RFFL: variants seen among roughly 807,000 people sequenced by gnomAD.
RFFL encodes the protein E3 ubiquitin-protein ligase rififylin.
In RFFL, 16 loss-of-function variants were observed where a neutral mutation model predicts 40.4. That is an observed-to-expected ratio of 0.40 (90% CI 0.27 to 0.60). RFFL has a LOEUF of 0.60. Among genes scored for constraint, RFFL ranks in the 20% least tolerant of loss-of-function variants. The pLI is 0.47. For missense variants in RFFL, 367 were observed against 451.7 expected, an observed-to-expected ratio of 0.81 and a Z score of 1.70; for synonymous variants, 154 against 167.9, an observed-to-expected ratio of 0.92 and a Z score of 0.64.
At position 35,014,757 on chromosome 17, in the gene RFFL, C is replaced by T; in HGVS notation, c.893G>A (p.Gly298Asp). The T allele has an allele frequency of 6.2e-7, 1 of 1,613,696 alleles. No individual in the cohort carries two copies. Residue 298 changes from glycine to aspartate, a missense_variant, in exon 6 of 7, where the codon GGT becomes GAT. Gly to Asp is a moderately conservative substitution (Grantham distance 94). Coordinates refer to ENST00000394597, the MANE Select transcript of RFFL (RefSeq NM_001017368.2). ...DQKGLQHLVSGAEDQNGGAVP... is the reference protein window; with the variant it reads ...DQKGLQHLVSDAEDQNGGAVP... ...CTACATACCGTTTTGGTCTTCGGCACCACTGACTGAAAAGGAAAGAGAAGG... is the reference window on the plus strand; with the variant it reads ...CTACATACCGTTTTGGTCTTCGGCATCACTGACTGAAAAGGAAAGAGAAGG...
intron 1 of RFFL, among the ~76,000 whole-genome samples, chr17:35,031,889 A>T (rs2091085665): frequency 6.6e-6 from 1 of 151,890 alleles, no homozygotes; most frequent in African/African-American, 2.4e-5. Flanking sequence ...AGGTCAGGAG[A>T]CCAAGACCAT....
At chr17:35,037,780 A>C (rs1168691204) in intron 1 of RFFL, among the ~76,000 whole-genome samples, 1 of 152,164 alleles carries the variant, frequency 6.6e-6, no homozygotes, top group Non-Finnish European at 1.5e-5. Flanking sequence ...TTAAAAAATC[A>C]ATCTGTCTAC....
Position 35,045,061 on chromosome 17 carries a change from A to G in RFFL, c.-8-18500T>C, listed in dbSNP as rs1348470814. On this transcript the variant is annotated intron_variant, in intron 1 of 6. Coordinates refer to ENST00000394597, the MANE Select transcript of RFFL (RefSeq NM_001017368.2). ...CTCATAGAATCTTATACACTTCCTT[A>G]TAACCATAATTGATTTATCAGACTA... Among the ~76,000 whole-genome samples, 5 of 149,596 alleles carry G rather than the reference A, an allele frequency of 3.3e-5. No individual in the cohort carries two copies. The East Asian group carries it at 1.0e-3, about 31-fold the overall frequency.
At chr17:35,077,133 A>G (rs1333048842) in intron 1 of RFFL, 2 of 152,432 alleles carry the variant, frequency 1.3e-5, no homozygotes, top group African/African-American at 4.9e-5. Context: ...TAAATTAACT[A>G]TATAGTTCCT....
At chr17:35,019,530 C>G (rs548426873) in intron 3 of RFFL, among the ~76,000 whole-genome samples, 1 of 152,030 alleles carries the variant, frequency 6.6e-6, no homozygotes, top group Non-Finnish European at 1.5e-5. Flanking sequence ...CCCACCACCA[C>G]GCCCAGCTAA....
At position 35,063,627 on chromosome 17, in the gene RFFL, A is replaced by G. The variant is rs2142371143; in HGVS notation, c.-60T>C. 1 of 152,390 alleles carries G rather than the reference A, an allele frequency of 6.6e-6. No individual in the cohort carries two copies. Among genetic ancestry groups the G allele is most frequent in the African/African-American group, 2.4e-5 (1 of 41,566 alleles). 9.4% of individuals were successfully genotyped at this position (152,390 alleles called of 1,614,324 possible). ...CCACGACAGAAAGCAAGCTGTCTCT[A>G]GTTCCTGTGGCTGAGGTCGCTGGAG... On this transcript the variant is annotated 5_prime_UTR_variant, in exon 1 of 7. It removes the in-frame stop codon of an upstream open reading frame in the 5' UTR. Coordinates refer to ENST00000394597, the MANE Select transcript of RFFL (RefSeq NM_001017368.2).
At chr17:35,022,526 G>A (rs1253525628) in intron 2 of RFFL, among the ~76,000 whole-genome samples, 1 of 152,218 alleles carries the variant, frequency 6.6e-6, no homozygotes, top group Non-Finnish European at 1.5e-5. Flanking sequence ...CCGAGGCTTA[G>A]GGAGATCAAC....
At chr17:35,052,798 G>T (rs528185666) in intron 1 of RFFL, among the ~76,000 whole-genome samples, 37 of 152,140 alleles carry the variant, frequency 2.4e-4, no homozygotes, top group Non-Finnish European at 3.8e-4. Flanking sequence ...AGATAGGTAG[G>T]TACACAAACA....
intron 1 of RFFL, among the ~76,000 whole-genome samples, chr17:35,077,334 C>T (rs900774555): frequency 2.0e-5 from 3 of 152,102 alleles, no homozygotes; most frequent in Non-Finnish European, 4.4e-5. Context: ...TAGAACAATG[C>T]TATTCAAAGT....
At chr17:35,078,136 T>G (rs139593163) in intron 1 of RFFL, among the ~76,000 whole-genome samples, 458 of 152,340 alleles carry the variant, frequency 3.0e-3, no homozygotes, top group Admixed American at 4.6e-3. Flanking sequence ...TCTGTAGGGC[T>G]GGGCTAGGAA....
rs546569798 is a variant in RFFL, at chr17:35,011,173, C to G, written c.*795G>C. On this transcript the variant is annotated 3_prime_UTR_variant, in exon 7 of 7. Coordinates refer to ENST00000394597, the MANE Select transcript of RFFL (RefSeq NM_001017368.2). ...CTTTCCGCATAAACTAAGGATGGTGCAAATCAGGTCCCAAGAGAAGCAGCA... is the reference window on the plus strand; with the variant it reads ...CTTTCCGCATAAACTAAGGATGGTGGAAATCAGGTCCCAAGAGAAGCAGCA... 1 of 152,286 alleles carries G rather than the reference C, an allele frequency of 6.6e-6. No individual in the cohort carries two copies. Among genetic ancestry groups the G allele is most frequent in the Admixed American group, 6.5e-5 (1 of 15,296 alleles). 9.4% of individuals were successfully genotyped at this position (152,286 alleles called of 1,614,324 possible). A position where few individuals can be genotyped will look rare whatever the true frequency, so the allele number is the denominator to read the frequency against.
chr17:35,038,044 T>C (rs1567707175), intron 1 of RFFL, among the ~76,000 whole-genome samples: 1 of 151,822 alleles, frequency 6.6e-6, no homozygotes, highest in Admixed American at 6.6e-5. Flanking sequence ...TCCCAGCACT[T>C]TGGGAGGCTA....
chr17:35,014,537 T>C (rs2090961366), intron 6 of RFFL, among the ~76,000 whole-genome samples: 1 of 152,198 alleles, frequency 6.6e-6, no homozygotes, highest in African/African-American at 2.4e-5. Flanking sequence ...CCCCTACGTA[T>C]GCTCCACTCT....
At chr17:35,031,546 C>T (rs2091083210) in intron 1 of RFFL, among the ~76,000 whole-genome samples, 1 of 151,986 alleles carries the variant, frequency 6.6e-6, no homozygotes, top group African/African-American at 2.4e-5. Context: ...AGTCAGGGTA[C>T]TAGAAATGTA....
intron 1 of RFFL, among the ~76,000 whole-genome samples, chr17:35,075,618 A>C (rs2091371861): frequency 6.6e-6 from 1 of 152,230 alleles, no homozygotes; most frequent in Admixed American, 6.5e-5. Context: ...AACTACCAAA[A>C]TAACAGCTCC....
At chr17:35,035,914 A>T (rs1182712027) in intron 1 of RFFL, among the ~76,000 whole-genome samples, 1 of 151,786 alleles carries the variant, frequency 6.6e-6, no homozygotes, top group African/African-American at 2.4e-5. Flanking sequence ...TGTTGGCCAG[A>T]CTGGTCTTGA....
intron 1 of RFFL, among the ~76,000 whole-genome samples, chr17:35,037,310 G>T (rs367770359): frequency 6.6e-6 from 1 of 152,166 alleles, no homozygotes. Context: ...TATGTTGTTA[G>T]TGCATAAAGA....
At chr17:35,020,313 G>A (rs879812996) in intron 3 of RFFL, among the ~76,000 whole-genome samples, 20 of 151,828 alleles carry the variant, frequency 1.3e-4, no homozygotes, top group East Asian at 5.8e-4. Flanking sequence ...TTGGGAACCC[G>A]GATGCACAGC....
intron 1 of RFFL, among the ~76,000 whole-genome samples, chr17:35,060,612 A>C (rs1185487959): frequency 6.6e-6 from 1 of 152,234 alleles, no homozygotes; most frequent in African/African-American, 2.4e-5. Context: ...ATATTGCGGG[A>C]CTAGATCTCA....
Sources: gnomAD v4.1 joint callset for allele counts (sites outside exome capture counted in the v4.1 genomes callset) on GRCh38, gnomAD v4.1.1 for gene constraint, MANE v1.5 for transcripts, NCBI Gene and HGNC (gene_info 2026-07-23, HGNC 2026-07-21) for gene names.